Variants in PPP2R3B observed in about 807,000 individuals in gnomAD.
PPP2R3B encodes protein phosphatase 2 regulatory subunit B''beta, also known as serine/threonine-protein phosphatase 2A regulatory subunit B'' subunit beta.
A neutral mutation model predicts 72.9 loss-of-function variants in PPP2R3B; 68 were observed. The observed-to-expected ratio is 0.93, with a 90% CI of 0.77 to 1.14. The LOEUF is 1.14. PPP2R3B is among the 50% of genes most tolerant of loss of function. The pLI is 0.00. For missense variants in PPP2R3B, 1,018 were observed against 842.0 expected, an observed-to-expected ratio of 1.21 and a Z score of -2.59; for synonymous variants, 466 against 375.8, an observed-to-expected ratio of 1.24 and a Z score of -2.78.
At chrX:358,222 C>T (rs1487693908) in intron 2 of PPP2R3B, among the ~76,000 whole-genome samples, 1 of 136,430 alleles carries the variant, frequency 7.3e-6, no homozygotes, top group African/African-American at 2.8e-5. Context: ...CTGCAGGTGG[C>T]GGCGAGCTGG....
rs1426828749 is a variant in PPP2R3B at position 368,667 on chromosome X, C to T, written c.325-7077G>A. Reference sequence around the variant, plus strand: ...GGCCGGGACCACCCACCCTGGGCACCGACCGGGGGAAGGCCGGGACCACCC... The same window carrying T: ...GGCCGGGACCACCCACCCTGGGCACTGACCGGGGGAAGGCCGGGACCACCC... On this transcript the variant is annotated intron_variant, in intron 1 of 12. Coordinates refer to ENST00000390665, the MANE Select transcript of PPP2R3B (RefSeq NM_013239.5). Among the ~76,000 whole-genome samples the T allele has an allele frequency of 1.2e-4, 9 of 72,182 alleles. 1 individual carries two copies. The highest frequency in any genetic ancestry group is 5.2e-4 in the African/African-American group (8 of 15,344). The allele number at this position is 72,182 out of a possible 152,430, so 47.4% of individuals were successfully genotyped here. A position where few individuals can be genotyped will look rare whatever the true frequency, so the allele number is the denominator to read the frequency against.
intron 1 of PPP2R3B, among the ~76,000 whole-genome samples, chrX:384,720 C>G (rs867755088): frequency 2.0e-5 from 3 of 152,040 alleles, no homozygotes; most frequent in Non-Finnish European, 4.4e-5. Context: ...TGTGGTGGCT[C>G]ACGCCTGTCA....
In PPP2R3B at chrX:338,708, G is replaced by C; in HGVS notation, c.1473C>G (p.Asp491Glu). The change falls in exon 12 of 13, where the codon GAC (aspartate) becomes GAG (glutamate). Residue 491 changes from aspartate (D) to glutamate (E), a missense_variant and splice_region_variant. Asp to Glu is a conservative substitution (Grantham distance 45, BLOSUM62 2). Transcript: ENST00000390665. The stretch of plus-strand genomic sequence containing the variant: ...AGAGCTCGGGGCCGCCGCTGTCACC[G>C]TCCTGGAGGAAGCACACGGGTTACG... ...EQKEQISLLR[D>E]GDSGGPELSD... The C allele has an allele frequency of 6.2e-7, 1 of 1,611,890 alleles. No homozygotes were observed. The highest frequency in any genetic ancestry group is 8.5e-7 in the Non-Finnish European group (1 of 1,179,654).
chrX:367,042 G>T (rs1054389557), intron 1 of PPP2R3B, among the ~76,000 whole-genome samples: 3 of 150,712 alleles, frequency 2.0e-5, no homozygotes, highest in African/African-American at 7.4e-5. Context: ...AAAAAAAAGT[G>T]AGATGAATAC....
intron 12 of PPP2R3B, 78 bp downstream of exon 12, chrX:338,526 C>T: frequency 2.4e-6 from 1 of 416,938 alleles, no homozygotes. Flanking sequence ...ACACACCCGT[C>T]CTCCCACTCA....
intron 1 of PPP2R3B, among the ~76,000 whole-genome samples, chrX:371,012 G>A (rs1263346173): frequency 1.3e-5 from 2 of 152,152 alleles, no homozygotes; most frequent in Non-Finnish European, 2.9e-5. Flanking sequence ...GTCAGTGTGT[G>A]GGGAGCGGGA....
At position 334,496 on chromosome X, in the gene PPP2R3B, A is replaced by G. The variant is rs1133523; in HGVS notation, c.1599T>C (p.Pro533=). Residue 533 remains proline, a synonymous_variant, in exon 13 of 13, where the codon CCT becomes CCC. Transcript: ENST00000390665. The part of the protein sequence containing the change: ...WEDGFEAELS[P]VEQKLSALRS... Reference sequence around the variant, plus strand: ...GCAGCGCACTCAGCTTCTGCTCCACAGGGCTGAGCTCGGCCTCGAACCTGC... The same window carrying G: ...GCAGCGCACTCAGCTTCTGCTCCACGGGGCTGAGCTCGGCCTCGAACCTGC... 0.44 allele frequency: 691,533 copies of G among 1,571,806 alleles called. 158,073 individuals are homozygous for G. Among genetic ancestry groups the G allele is most frequent in the African/African-American group, 0.8 (58,379 of 73,058 alleles).
chrX:362,149 G>A lies in PPP2R3B; in HGVS notation c.325-559C>T, dbSNP rs777922186. 7.9e-4 allele frequency: 132 copies of A among 166,878 alleles called. 1 individual carries two copies. The highest frequency in any genetic ancestry group is 2.7e-3 in the South Asian group (18 of 6,672). The allele number at this position is 166,878 out of a possible 1,614,324, so 10.3% of individuals were successfully genotyped here. A position where few individuals can be genotyped will look rare whatever the true frequency, so the allele number is the denominator to read the frequency against. On this transcript the variant is annotated intron_variant, in intron 1 of 12. Transcript: ENST00000390665. The stretch of plus-strand genomic sequence containing the variant: ...GACCACCAGGTACTGCTGCGGACAC[G>A]CCTCAGCCCCTCACCCGGTGCACAG...
At chrX:369,579 G>A (rs1206716913) in intron 1 of PPP2R3B, among the ~76,000 whole-genome samples, 1 of 152,236 alleles carries the variant, frequency 6.6e-6, no homozygotes, top group African/African-American at 2.4e-5. Context: ...GCGTGCGCTT[G>A]ATGGGTGCAG....
chrX:364,052 C>A (rs142975284), intron 1 of PPP2R3B, among the ~76,000 whole-genome samples: 3 of 152,192 alleles, frequency 2.0e-5, no homozygotes, highest in African/African-American at 7.2e-5. Context: ...CGGGGAAGCC[C>A]GTGGAGCCTG....
At chrX:384,844 G>T (rs187031646) in intron 1 of PPP2R3B, among the ~76,000 whole-genome samples, 1 of 152,020 alleles carries the variant, frequency 6.6e-6, no homozygotes, top group East Asian at 1.9e-4. Flanking sequence ...AATTAGCCGG[G>T]GGTGGTGGTG....
At chrX:347,001 C>T (rs1422626093) in intron 4 of PPP2R3B, among the ~76,000 whole-genome samples, 1 of 146,056 alleles carries the variant, frequency 6.8e-6, no homozygotes, top group African/African-American at 2.6e-5. Flanking sequence ...GCAGTGTAGA[C>T]GCGGACCCTC....
intron 7 of PPP2R3B, 171 bp downstream of exon 7, chrX:345,345 G>C (rs1207316660): frequency 1.0e-6 from 1 of 955,030 alleles, no homozygotes; most frequent in Non-Finnish European, 1.6e-6. Context: ...ACGGGGCAGC[G>C]ACTGGGGAAG....
At position 383,276 on chromosome X, in the gene PPP2R3B, G is replaced by T. The variant is rs184533519; in HGVS notation, c.324+3092C>A. Among the ~76,000 whole-genome samples the T allele has an allele frequency of 2.4e-3, 362 of 152,284 alleles. 3 individuals are homozygous for T. The highest frequency in any genetic ancestry group is 8.3e-3 in the African/African-American group (344 of 41,550). On this transcript the variant is annotated intron_variant, in intron 1 of 12. Transcript: ENST00000390665. ...CACCTCTCACTCAGCAAGTAGAGAG[G>T]CTGGTCCATTTTGGCTGGAAAACTG...
intron 2 of PPP2R3B, among the ~76,000 whole-genome samples, chrX:348,261 G>T (rs28506912): frequency 6.8e-6 from 1 of 146,540 alleles, no homozygotes; most frequent in African/African-American, 2.5e-5. Context: ...TCGATGATTT[G>T]AAAGATTTCT....
At chrX:374,219 T>A (rs2071939552) in intron 1 of PPP2R3B, among the ~76,000 whole-genome samples, 1 of 151,290 alleles carries the variant, frequency 6.6e-6, no homozygotes, top group Non-Finnish European at 1.5e-5. Flanking sequence ...CCGCGAGAAG[T>A]GAGGTCCCCC....
At chrX:370,298 T>G (rs4606239) in intron 1 of PPP2R3B, among the ~76,000 whole-genome samples, 24,033 of 152,038 alleles carry the variant, frequency 0.16, 2,118 homozygotes, top group Admixed American at 0.2. Flanking sequence ...TGGGCTAACA[T>G]TCACTCAGAC....
intron 2 of PPP2R3B, among the ~76,000 whole-genome samples, chrX:356,344 T>G (rs2071434376): frequency 6.6e-6 from 1 of 152,022 alleles, no homozygotes. Context: ...GCCTCCCGAG[T>G]AGCTGGAATG....
chrX:384,768 T>A (rs1261518870), intron 1 of PPP2R3B, among the ~76,000 whole-genome samples: 1 of 151,864 alleles, frequency 6.6e-6, no homozygotes, highest in Non-Finnish European at 1.5e-5. Flanking sequence ...GTGGATCACC[T>A]GAGGTCAGGA....
Sources: gnomAD v4.1 joint callset for allele counts (sites outside exome capture counted in the v4.1 genomes callset) on GRCh38, gnomAD v4.1.1 for gene constraint, MANE v1.5 for transcripts, NCBI Gene and HGNC (gene_info 2026-07-23, HGNC 2026-07-21) for gene names.